Variants in CALML4 observed in about 807,000 individuals in gnomAD.
CALML4 encodes calmodulin-like protein 4.
A neutral mutation model predicts 17.9 loss-of-function variants in CALML4; 16 were observed. That is an observed-to-expected ratio of 0.89 (90% confidence interval 0.61 to 1.36). CALML4 has a LOEUF of 1.36. Ranked by LOEUF, CALML4 falls within the 40% of genes most tolerant of loss-of-function variation. The probability of loss-of-function intolerance (pLI) is 0.00; values close to 1 mark genes in which losing one functional copy is unlikely to be tolerated. For missense variants in CALML4, 203 were observed against 194.8 expected (o/e 1.04, Z -0.25); for synonymous variants, 86 against 71.5 (o/e 1.20, Z -1.02).
In CALML4 at chr15:68,199,678, T is replaced by C; in HGVS notation, c.38A>G (p.Tyr13Cys). 6.2e-7 allele frequency: 1 copy of C among 1,613,020 alleles called. No individual in the cohort carries two copies. The highest frequency in any genetic ancestry group is 8.5e-7 in the Non-Finnish European group (1 of 1,179,864). The change falls in exon 3 of 5, where the codon TAC becomes TGC. Residue 13 changes from tyrosine to cysteine, a missense_variant. By Grantham distance (194) the Tyr-to-Cys change is radical (BLOSUM62 -2). Transcript: ENST00000467889. ...GTCATACAGGGAGAAGCATTCCTTG[T>C]ACTCTGCACACGGCCCAGAGGGAGG... Reference protein sequence around the residue: ...KFLSQDQINEYKECFSLYDKQ... With the variant: ...KFLSQDQINECKECFSLYDKQ...
At chr15:68,205,427 G>A (rs766187557), upstream of CALML4, 10 of 1,607,772 alleles carry the variant, frequency 6.2e-6, no homozygotes, top group South Asian at 1.1e-4. This position sits in a 1 kb window ranked among gnomAD's most constrained non-coding sequence, Gnocchi z 4.8. Context: ...CCTGAGCACA[G>A]CTCATGACCC....
chr15:68,194,201 G>T lies in CALML4; in HGVS notation c.365-89C>A, dbSNP rs2093132878. 4.2e-6 allele frequency: 4 copies of T among 945,230 alleles called. No individual in the cohort carries two copies. The Admixed American group carries it at 5.8e-5, about 14-fold the overall frequency. The allele number at this position is 945,230 out of a possible 1,614,324, so 58.6% of individuals were successfully genotyped here. ...TTTTGGGGACTGGAGCTCCCCTAAG[G>T]TCTTCCCTGAGCGTGCAGTTGACTA... On this transcript the variant is annotated intron_variant, in intron 4 of 4. Transcript: ENST00000467889.
At chr15:68,196,755 C>G (rs1305770336) in intron 4 of CALML4, among the ~76,000 whole-genome samples, 1 of 152,122 alleles carries the variant, frequency 6.6e-6, no homozygotes, top group Non-Finnish European at 1.5e-5. Context: ...CAGGCCTCGT[C>G]CTGCTCTGAG....
intron 3 of CALML4, among the ~76,000 whole-genome samples, chr15:68,199,193 C>T (rs1290179284): frequency 6.6e-6 from 1 of 152,030 alleles, no homozygotes; most frequent in Admixed American, 6.5e-5. Flanking sequence ...AGGAGAATGC[C>T]TACTTCATAG....
At chr15:68,205,549 T>G (rs1327093133), upstream of CALML4, 3 of 764,738 alleles carry the variant, frequency 3.9e-6, no homozygotes, top group East Asian at 8.2e-5. This position sits in a 1 kb window ranked among gnomAD's most constrained non-coding sequence, Gnocchi z 4.8. Context: ...CAGTGTTTCT[T>G]CCCGGGAGCC....
chr15:68,194,383 GCTT>G (rs2093133786), intron 4 of CALML4, among the ~76,000 whole-genome samples: 1 of 114,938 alleles, frequency 8.7e-6, no homozygotes, highest in Admixed American at 8.6e-5. Flanking sequence ...GCCACCGTGT[GCTT>G]TTTTTTTTTT....
rs1199655577 is a variant in CALML4, at chr15:68,200,717, GTTCT to G, written c.35-1040_35-1037del. 6.6e-6 allele frequency among the ~76,000 whole-genome samples: 1 copy of G among 152,180 alleles called. No individual in the cohort carries two copies. The highest frequency in any genetic ancestry group is 1.5e-5 in the Non-Finnish European group (1 of 68,010). On this transcript the variant is annotated intron_variant, in intron 2 of 4. Coordinates refer to ENST00000467889, the MANE Select transcript of CALML4 (RefSeq NM_033429.3). The surrounding 1 kb of genome is among the most constrained non-coding windows in gnomAD (Gnocchi z 4.3). The stretch of plus-strand genomic sequence containing the variant: ...CTCCCAGGCTGGGGCTCAGGGCTCT[GTTCT>G]CTCTCCTGCTTCTCACACCACCCAG...
chr15:68,199,655 C>G lies in CALML4; in HGVS notation c.61G>C (p.Asp21His), dbSNP rs1324380205. 6.2e-7 allele frequency: 1 copy of G among 1,613,440 alleles called. No individual in the cohort carries two copies. The highest frequency in any genetic ancestry group is 1.1e-5 in the South Asian group (1 of 91,052). ...NEYKECFSLY[D>H]KQQRGKIKAT... ...TTTATCTTCCCCCTCTGCTGCTTGTCATACAGGGAGAAGCATTCCTTGTAC... is the reference window on the plus strand; with the variant it reads ...TTTATCTTCCCCCTCTGCTGCTTGTGATACAGGGAGAAGCATTCCTTGTAC... Residue 21 changes from aspartate to histidine, a missense_variant, in exon 3 of 5, where the codon GAC becomes CAC. Physicochemically the swap from Asp to His is moderately conservative, Grantham distance 81. Coordinates refer to ENST00000467889, the MANE Select transcript of CALML4 (RefSeq NM_033429.3).
intron 4 of CALML4, among the ~76,000 whole-genome samples, chr15:68,194,511 G>A (rs149887963): frequency 0.031 from 4,762 of 151,898 alleles, 97 homozygotes; most frequent in Middle Eastern, 0.078. Flanking sequence ...AGGCTCCTGA[G>A]TAGCTGAGCT....
Position 68,193,419 on chromosome 15 carries a change from CTGTTGAGATGGAAATGAGAATT to C in CALML4, c.*574_*595del, listed in dbSNP as rs1416175574. ...AATAGCCTGAGCTATGTCACTATAT[CTGTTGAGATGGAAATGAGAATT>C]TGTAAATGGGCCTCTGGCACTGCAA... On this transcript the variant is annotated 3_prime_UTR_variant, in exon 5 of 5. Coordinates refer to ENST00000467889, the MANE Select transcript of CALML4 (RefSeq NM_033429.3). 1 of 152,772 alleles carries C rather than the reference CTGTTGAGATGGAAATGAGAATT, an allele frequency of 6.5e-6. No individual in the cohort carries two copies. The highest frequency in any genetic ancestry group is 2.4e-5 in the African/African-American group (1 of 41,472). The allele number at this position is 152,772 out of a possible 1,614,324, so 9.5% of individuals were successfully genotyped here. A position where few individuals can be genotyped will look rare whatever the true frequency, so the allele number is the denominator to read the frequency against.
Position 68,193,169 on chromosome 15 carries a change from CCT to C in CALML4, c.*844_*845del, listed in dbSNP as rs1238292555. On this transcript the variant is annotated 3_prime_UTR_variant, in exon 5 of 5. Coordinates refer to ENST00000467889, the MANE Select transcript of CALML4 (RefSeq NM_033429.3). Reference sequence around the variant, plus strand: ...GCCACTTGAGCAGACCATCCCGGAACCTCTCTGCCTGTTAACAGAGCCCAGGG... The same window carrying C: ...GCCACTTGAGCAGACCATCCCGGAACCTCTGCCTGTTAACAGAGCCCAGGG... The C allele has an allele frequency of 6.6e-6, 1 of 152,358 alleles. No homozygotes were observed. Among genetic ancestry groups the C allele is most frequent in the Non-Finnish European group, 1.5e-5 (1 of 68,162 alleles). The allele number at this position is 152,358 out of a possible 1,614,324, so 9.4% of individuals were successfully genotyped here.
chr15:68,197,316 T>A lies in CALML4; in HGVS notation c.364+124A>T. 1.2e-6 allele frequency: 1 copy of A among 849,314 alleles called. No individual in the cohort carries two copies. The highest frequency in any genetic ancestry group is 1.8e-6 in the Non-Finnish European group (1 of 545,846). 52.6% of individuals were successfully genotyped at this position (849,314 alleles called of 1,614,324 possible). On this transcript the variant is annotated intron_variant, in intron 4 of 4. Transcript: ENST00000467889. This position sits in a 1 kb window ranked among gnomAD's most constrained non-coding sequence, Gnocchi z 4.1. ...CACCTAGTGTGGCATCTGCTCACAG[T>A]CTCCTGCGCGCGCATCAACAGAGGT...
At chr15:68,194,632 C>T (rs2093135249) in intron 4 of CALML4, among the ~76,000 whole-genome samples, 1 of 152,144 alleles carries the variant, frequency 6.6e-6, no homozygotes, top group South Asian at 2.1e-4. Context: ...GAGCCATCCA[C>T]CTCAGCCTCC....
chr15:68,205,058 G>A lies in CALML4; in HGVS notation c.34+63C>T. The A allele has an allele frequency of 3.2e-6, 5 of 1,579,382 alleles. No homozygotes were observed. The highest frequency in any genetic ancestry group is 2.2e-5 in the East Asian group (1 of 44,690). ...TTCCCACCAAGAAAACATGAGCAGA[G>A]CAAATTGCCTAATGAGACCCATATT... On this transcript the variant is annotated intron_variant, in intron 2 of 4. Transcript: ENST00000467889. The surrounding 1 kb of genome is among the most constrained non-coding windows in gnomAD (Gnocchi z 4.8).
chr15:68,199,927 T>C (rs1238330890), intron 2 of CALML4: 4 of 331,770 alleles, frequency 1.2e-5, no homozygotes, highest in African/African-American at 8.5e-5. Context: ...GACATATACT[T>C]CTATTGGAAA....
rs2093157592 is a variant in CALML4, at chr15:68,199,440, C to T, written c.175+101G>A. 9 of 1,335,370 alleles carry T rather than the reference C, an allele frequency of 6.7e-6. No homozygotes were observed. The East Asian group carries it at 2.3e-4, about 34-fold the overall frequency. The allele number at this position is 1,335,370 out of a possible 1,614,324, so 82.7% of individuals were successfully genotyped here. On this transcript the variant is annotated intron_variant, in intron 3 of 4. Coordinates refer to ENST00000467889, the MANE Select transcript of CALML4 (RefSeq NM_033429.3). ...ACAGCTGGATCCCCAGGAGGCCTCC[C>T]TGCCACCTGCCCCTCAAACTGCTGA...
intron 2 of CALML4, among the ~76,000 whole-genome samples, chr15:68,201,746 C>A (rs374684364): frequency 2.6e-5 from 4 of 152,218 alleles, no homozygotes; most frequent in African/African-American, 7.2e-5. Context: ...TGTCTCCCTG[C>A]CTCAGACGCC....
At position 68,197,458 on chromosome 15, in the gene CALML4, T is replaced by G. The variant is rs1301786088; in HGVS notation, c.346A>C (p.Lys116Gln). ...LRSKLTSLGE[K>Q]LTHKEVDDLF... ...CTGTTACCTTCCTTGTGGGTGAGCT[T>G]CTCCCCCAGACTCGTGAGTTTTGAC... The change falls in exon 4 of 5, where the codon AAG (lysine) becomes CAG (glutamine). Residue 116 changes from lysine (K) to glutamine (Q), a missense_variant. Lys to Gln is a moderately conservative substitution (Grantham distance 53). Coordinates refer to ENST00000467889, the MANE Select transcript of CALML4 (RefSeq NM_033429.3). The surrounding 1 kb of genome is among the most constrained non-coding windows in gnomAD (Gnocchi z 4.1). 5.0e-6 allele frequency: 8 copies of G among 1,613,754 alleles called. No homozygotes were observed. The highest frequency in any genetic ancestry group is 4.5e-5 in the East Asian group (2 of 44,864).
rs1302662685 is a variant in CALML4 at position 68,193,257 on chromosome 15, A to C, written c.*758T>G. 1.3e-5 allele frequency: 2 copies of C among 152,268 alleles called. No homozygotes were observed. The highest frequency in any genetic ancestry group is 2.9e-5 in the Non-Finnish European group (2 of 68,092). The allele number at this position is 152,268 out of a possible 1,614,324, so 9.4% of individuals were successfully genotyped here. A position where few individuals can be genotyped will look rare whatever the true frequency, so the allele number is the denominator to read the frequency against. On this transcript the variant is annotated 3_prime_UTR_variant, in exon 5 of 5. Coordinates refer to ENST00000467889, the MANE Select transcript of CALML4 (RefSeq NM_033429.3). ...TTCTTGAGCTCTGCAAGGCCAGTCA[A>C]TTTAGCAGCTCACATCTGGTTTCCT...
Sources: gnomAD v4.1 joint callset for allele counts (sites outside exome capture counted in the v4.1 genomes callset) on GRCh38, gnomAD v4.1.1 for gene constraint, Gnocchi (gnomAD v3.1) non-coding constraint, MANE v1.5 for transcripts, NCBI Gene and HGNC (gene_info 2026-07-23, HGNC 2026-07-21) for gene names.